Variants in RFX2 observed in about 807,000 individuals in gnomAD.
The protein encoded by RFX2 is DNA-binding protein RFX2.
In RFX2, 20 loss-of-function variants were observed where a neutral mutation model predicts 87.8. The ratio of observed to expected loss-of-function variants is 0.23; its 90% CI spans 0.16 to 0.33. The LOEUF (loss-of-function observed/expected upper bound fraction) is 0.33, where lower values mean the gene tolerates loss of function less well. Among genes scored for constraint, RFX2 ranks in the 10% least tolerant of loss-of-function variants. The pLI is 1.00. For missense variants in RFX2, 767 were observed against 1,012.3 expected, an observed-to-expected ratio of 0.76 and a Z score of 3.29; for synonymous variants, 397 against 431.3, an observed-to-expected ratio of 0.92 and a Z score of 0.98.
At chr19:6,028,670 G>A (rs80210175) in intron 5 of RFX2, among the ~76,000 whole-genome samples, 2,376 of 151,432 alleles carry the variant, frequency 0.016, 50 homozygotes, top group African/African-American at 0.054. Flanking sequence ...CTCTGGAAAT[G>A]AATTAAAAGA....
In RFX2 at chr19:5,995,697, T is replaced by C. The variant is rs377349108; in HGVS notation, c.2014-54A>G. The C allele has an allele frequency of 3.9e-4, 588 of 1,511,464 alleles. 4 individuals are homozygous for C. Among genetic ancestry groups the C allele is most frequent in the Middle Eastern group, 5.3e-4 (3 of 5,662 alleles). 93.6% of individuals were successfully genotyped at this position (1,511,464 alleles called of 1,614,324 possible). On this transcript the variant is annotated intron_variant, in intron 16 of 17. Transcript: ENST00000303657. ...CCTGCAGAGGGGCGGCAGTTGCTGT[T>C]TGGGGGCTCGGGGGATGCCGGCCCA...
In RFX2 at chr19:6,039,341, G is replaced by T; in HGVS notation, c.522+639C>A. Among the ~76,000 whole-genome samples, 1 of 152,214 alleles carries T rather than the reference G, an allele frequency of 6.6e-6. No individual in the cohort carries two copies. Among genetic ancestry groups the T allele is most frequent in the East Asian group, 1.9e-4 (1 of 5,198 alleles). On this transcript the variant is annotated intron_variant, in intron 5 of 17. Transcript: ENST00000303657. This position sits in a 1 kb window ranked among gnomAD's most constrained non-coding sequence, Gnocchi z 5.2. The stretch of plus-strand genomic sequence containing the variant: ...TTGTGACTGCCAAGAAATACCACGA[G>T]GGGGTTTTCAGGGCAATGCACTGTT...
In RFX2 at chr19:6,020,426, C is replaced by G. The variant is rs527555; in HGVS notation, c.598-4155G>C. On this transcript the variant is annotated intron_variant, in intron 6 of 17. Coordinates refer to ENST00000303657, the MANE Select transcript of RFX2 (RefSeq NM_000635.4). The surrounding 1 kb of genome is among the most constrained non-coding windows in gnomAD (Gnocchi z 5.3). Reference sequence around the variant, plus strand: ...AAGACTGAAGCGGCTGGAACAGTCGCGTCTATTTCCTCCCTCTTCTGTGTT... The same window carrying G: ...AAGACTGAAGCGGCTGGAACAGTCGGGTCTATTTCCTCCCTCTTCTGTGTT... 28,076 of 152,134 alleles carry G rather than the reference C, an allele frequency of 0.18. 7,835 individuals are homozygous for G. Among genetic ancestry groups the G allele is most frequent in the African/African-American group, 0.61 (25,114 of 41,432 alleles). The allele number at this position is 152,134 out of a possible 1,614,324, so 9.4% of individuals were successfully genotyped here. A position where few individuals can be genotyped will look rare whatever the true frequency, so the allele number is the denominator to read the frequency against.
At chr19:5,995,784 G>T (rs1226161691) in intron 16 of RFX2, 141 bp from the exon 17 acceptor site, 2 of 766,830 alleles carry the variant, frequency 2.6e-6, no homozygotes, top group Non-Finnish European at 4.5e-6. Flanking sequence ...CCTGAAATGT[G>T]GCTCTGATGC....
At chr19:6,091,448 C>CA (rs777847524) in intron 1 of RFX2, among the ~76,000 whole-genome samples, 4,333 of 108,458 alleles carry the variant, frequency 0.04, 146 homozygotes, top group African/African-American at 0.11. Context: ...ACCCTATCTT[C>CA]AAAAAAAAAA....
chr19:6,006,880 C>T, intron 12 of RFX2, 132 bp downstream of exon 12: 2 of 1,013,568 alleles, frequency 2.0e-6, no homozygotes, highest in Non-Finnish European at 2.9e-6. Context: ...GCATGAGCCA[C>T]CGCGCCCGGC....
At chr19:6,099,981 C>A (rs568143865) in intron 1 of RFX2, among the ~76,000 whole-genome samples, 1 of 152,164 alleles carries the variant, frequency 6.6e-6, no homozygotes, top group South Asian at 2.1e-4. Flanking sequence ...AGAACAGTCT[C>A]CCCAACCAAG....
chr19:6,008,327 C>T (rs2086614614), intron 9 of RFX2, 103 bp from the exon 10 acceptor site: 1 of 584,954 alleles, frequency 1.7e-6, no homozygotes, highest in African/African-American at 1.9e-5. Flanking sequence ...GATGTTCTGC[C>T]CCACCCCATG....
Position 5,999,013 on chromosome 19 carries a change from T to C in RFX2, c.1860-1800A>G, listed in dbSNP as rs1182049349. On this transcript the variant is annotated intron_variant, in intron 15 of 17. Transcript: ENST00000303657. The surrounding 1 kb of genome is among the most constrained non-coding windows in gnomAD (Gnocchi z 4.1). ...GCTCATGACTGGAATCGCAGCACTT[T>C]GGGAGGCTGAGGCAGGTGGATCACC... Among the ~76,000 whole-genome samples the C allele has an allele frequency of 1.3e-5, 2 of 152,206 alleles. No homozygotes were observed. Among genetic ancestry groups the C allele is most frequent in the Non-Finnish European group, 2.9e-5 (2 of 68,032 alleles).
chr19:6,067,796 T>A (rs150536680), intron 1 of RFX2, among the ~76,000 whole-genome samples: 160 of 152,252 alleles, frequency 1.1e-3, no homozygotes, highest in African/African-American at 3.6e-3. Flanking sequence ...CCTCGATGGG[T>A]CAACATTTTG....
chr19:6,095,105 C>T (rs1167442999), intron 1 of RFX2, among the ~76,000 whole-genome samples: 2 of 152,144 alleles, frequency 1.3e-5, no homozygotes, highest in East Asian at 1.9e-4. Context: ...GAGCAAGACT[C>T]CATCTCAAAT....
At chr19:5,995,528 G>T in intron 17 of RFX2, 73 bp downstream of exon 17, 2 of 1,427,158 alleles carry the variant, frequency 1.4e-6, no homozygotes, top group Non-Finnish European at 1.9e-6. Flanking sequence ...TCATGAGATG[G>T]GGCAGACAGG....
At chr19:6,058,818 T>G (rs182090902) in intron 1 of RFX2, among the ~76,000 whole-genome samples, 1 of 152,254 alleles carries the variant, frequency 6.6e-6, no homozygotes, top group East Asian at 1.9e-4. Context: ...AAGGGCTGTT[T>G]GCAGACTGGA....
rs79173087 is a variant in RFX2, at chr19:6,013,734, C to T, written c.780-629G>A. 4.4e-3 allele frequency among the ~76,000 whole-genome samples: 668 copies of T among 152,280 alleles called. 7 individuals are homozygous for T. The East Asian group carries it at 0.071, about 16-fold the overall frequency. On this transcript the variant is annotated intron_variant, in intron 7 of 17. Coordinates refer to ENST00000303657, the MANE Select transcript of RFX2 (RefSeq NM_000635.4). The surrounding 1 kb of genome is among the most constrained non-coding windows in gnomAD (Gnocchi z 4.1). Reference sequence around the variant, plus strand: ...CCTCTGAGTAGCTGACGTGTGCCACCACACTCGGATCTTGACCTTTCACTT... The same window carrying T: ...CCTCTGAGTAGCTGACGTGTGCCACTACACTCGGATCTTGACCTTTCACTT...
At position 5,996,936 on chromosome 19, in the gene RFX2, G is replaced by A; in HGVS notation, c.2013+124C>T. The A allele has an allele frequency of 8.8e-6, 9 of 1,018,630 alleles. No homozygotes were observed. In the South Asian group the frequency reaches 1.5e-4, roughly 17 times the overall value. 63.1% of individuals were successfully genotyped at this position (1,018,630 alleles called of 1,614,324 possible). ...GTGGCTTGTTCTTTATCGAGCTGCA[G>A]CTCTGTCCGGGCGGCAGAGCAGTGG... On this transcript the variant is annotated intron_variant, in intron 16 of 17. Coordinates refer to ENST00000303657, the MANE Select transcript of RFX2 (RefSeq NM_000635.4).
intron 1 of RFX2, among the ~76,000 whole-genome samples, chr19:6,107,757 A>G (rs1218541114): frequency 2.0e-5 from 3 of 152,144 alleles, no homozygotes; most frequent in Non-Finnish European, 2.9e-5. Context: ...TCTAAGGAAT[A>G]AGACCCAGAT....
chr19:6,018,221 T>A (rs554140497), intron 6 of RFX2, among the ~76,000 whole-genome samples: 19 of 152,302 alleles, frequency 1.2e-4, no homozygotes, highest in African/African-American at 3.6e-4. Context: ...CCACCCGCCT[T>A]GGCCTCCCAA....
At position 6,016,784 on chromosome 19, in the gene RFX2, C is replaced by T. The variant is rs1382801193; in HGVS notation, c.598-513G>A. Among the ~76,000 whole-genome samples, 1 of 152,150 alleles carries T rather than the reference C, an allele frequency of 6.6e-6. No individual in the cohort carries two copies. The highest frequency in any genetic ancestry group is 1.9e-4 in the East Asian group (1 of 5,196). On this transcript the variant is annotated intron_variant, in intron 6 of 17. Coordinates refer to ENST00000303657, the MANE Select transcript of RFX2 (RefSeq NM_000635.4). The surrounding 1 kb of genome is among the most constrained non-coding windows in gnomAD (Gnocchi z 5.4). ...GCTTATTGATTCTTTCATGTTTAGC[C>T]TGGTTTTCAGGTTCCTGGACTTAAT...
chr19:6,098,278 C>A (rs1044619780), intron 1 of RFX2, among the ~76,000 whole-genome samples: 2 of 152,172 alleles, frequency 1.3e-5, no homozygotes, highest in African/African-American at 4.8e-5. Flanking sequence ...AAAACGACCT[C>A]TCCTCCTGAT....
Sources: gnomAD v4.1 joint callset for allele counts (sites outside exome capture counted in the v4.1 genomes callset) on GRCh38, gnomAD v4.1.1 for gene constraint, Gnocchi (gnomAD v3.1) non-coding constraint, MANE v1.5 for transcripts, NCBI Gene and HGNC (gene_info 2026-07-23, HGNC 2026-07-21) for gene names.